PRTG: variants seen among roughly 807,000 people sequenced by gnomAD.
PRTG encodes the protein immunoglobulin superfamily, DCC subclass, member 5.
In PRTG, 67 loss-of-function variants were observed where a neutral mutation model predicts 122.5. The observed-to-expected ratio is 0.55, with a 90% CI of 0.45 to 0.67. The LOEUF (loss-of-function observed/expected upper bound fraction) is 0.67, where lower values mean the gene tolerates loss of function less well. PRTG is among the 30% of genes least tolerant of loss of function. The pLI is 0.00. For missense variants in PRTG, 1,435 were observed against 1,415.4 expected (o/e 1.01, Z -0.22); for synonymous variants, 554 against 501.1 (o/e 1.11, Z -1.41).
chr15:55,668,558 G>A (rs539310939), intron 11 of PRTG, among the ~76,000 whole-genome samples: 1 of 152,104 alleles, frequency 6.6e-6, no homozygotes, highest in South Asian at 2.1e-4. Context: ...AAGTGCCTAG[G>A]GGAAAAAATC....
intron 14 of PRTG, among the ~76,000 whole-genome samples, chr15:55,637,829 T>C (rs2059266397): frequency 6.6e-6 from 1 of 152,122 alleles, no homozygotes; most frequent in African/African-American, 2.4e-5. Context: ...CATCTAATAA[T>C]ATATCTGTGA....
intron 11 of PRTG, among the ~76,000 whole-genome samples, chr15:55,649,492 A>G (rs1165703174): frequency 6.6e-6 from 1 of 152,076 alleles, no homozygotes; most frequent in African/African-American, 2.4e-5. Context: ...ACTAATAAAA[A>G]TATCAATAGT....
At position 55,648,619 on chromosome 15, in the gene PRTG, T is replaced by G. The variant is rs144565302; in HGVS notation, c.2042-7411A>C. Among the ~76,000 whole-genome samples the G allele has an allele frequency of 3.5e-4, 54 of 152,284 alleles. No individual in the cohort carries two copies. In the East Asian group the frequency reaches 4.1e-3, roughly 11 times the overall value. ...ATCCAGGTGCTGAGGTTGGGAGATA[T>G]TCAGAAAACAGCTGAATTCTAGTAT... On this transcript the variant is annotated intron_variant, in intron 11 of 19. Coordinates refer to ENST00000389286, the MANE Select transcript of PRTG (RefSeq NM_173814.6).
chr15:55,742,880 G>A lies in PRTG; in HGVS notation c.52C>T (p.Leu18Phe). The part of the protein sequence containing the change: ...LARLRPPGML[L>F]RALLLLLLLS... ...AGCAGCAGGAGCAGGAGCGCGCGGA[G>A]CAGCATCCCCGGCGGTCGCAGCCGG... Residue 18 changes from leucine (L) to phenylalanine (F), a missense_variant, in exon 1 of 20, where the codon CTC becomes TTC. By Grantham distance (22) the Leu-to-Phe change is conservative. Transcript: ENST00000389286. The A allele has an allele frequency of 6.5e-7, 1 of 1,534,948 alleles. No homozygotes were observed.
chr15:55,651,755 G>C (rs545777590), intron 11 of PRTG, among the ~76,000 whole-genome samples: 1 of 152,284 alleles, frequency 6.6e-6, no homozygotes, highest in African/African-American at 2.4e-5. Context: ...GCCTTGAAAA[G>C]AGCCAGGTCA....
intron 8 of PRTG, among the ~76,000 whole-genome samples, chr15:55,676,178 T>A (rs2059501892): frequency 6.6e-6 from 1 of 152,144 alleles, no homozygotes; most frequent in African/African-American, 2.4e-5. Flanking sequence ...TCTATTAAAT[T>A]TGACTGACAT....
chr15:55,672,494 C>A lies in PRTG; in HGVS notation c.1992G>T (p.Gly664=). The part of the protein sequence containing the change: ...YYKEEGQQEN[G]PIFLDTKDLL... Reference sequence around the variant, plus strand: ...GGTCCTTGGTATCCAAGAAAATGGGCCCATTCTCCTGCTGCCCTTCTTCCT... The same window carrying A: ...GGTCCTTGGTATCCAAGAAAATGGGACCATTCTCCTGCTGCCCTTCTTCCT... Residue 664 remains glycine (G), a synonymous_variant, in exon 11 of 20, where the codon GGG becomes GGT. Transcript: ENST00000389286. The A allele has an allele frequency of 6.2e-7, 1 of 1,614,034 alleles. No homozygotes were observed. Among genetic ancestry groups the A allele is most frequent in the Non-Finnish European group, 8.5e-7 (1 of 1,179,978 alleles).
chr15:55,714,426 TCA>T (rs1329962599), intron 2 of PRTG, among the ~76,000 whole-genome samples: 2 of 150,340 alleles, frequency 1.3e-5, no homozygotes, highest in Non-Finnish European at 2.9e-5. Context: ...ACAGGAGGTG[TCA>T]CTATGTTGTT....
intron 11 of PRTG, among the ~76,000 whole-genome samples, chr15:55,668,753 T>A (rs1359245116): frequency 2.6e-5 from 4 of 152,152 alleles, no homozygotes; most frequent in African/African-American, 4.8e-5. Flanking sequence ...ATCAAAATAT[T>A]TCCATCACTC....
At chr15:55,706,286 G>C (rs1182173043) in intron 2 of PRTG, among the ~76,000 whole-genome samples, 2 of 151,888 alleles carry the variant, frequency 1.3e-5, no homozygotes, top group African/African-American at 2.4e-5. Context: ...CTGAGAGTTG[G>C]GGATGGCATC....
chr15:55,670,902 A>AACACACACACAC (rs59455199), intron 11 of PRTG, among the ~76,000 whole-genome samples: 1 of 143,810 alleles, frequency 7.0e-6, no homozygotes, highest in African/African-American at 2.6e-5. Context: ...CTCCGTCACA[A>AACACACACACAC]ACACACACAC....
intron 2 of PRTG, among the ~76,000 whole-genome samples, chr15:55,711,078 T>C (rs2030364619): frequency 1.4e-5 from 2 of 143,896 alleles, no homozygotes; most frequent in African/African-American, 2.6e-5. Flanking sequence ...AGCTAATTTT[T>C]GTATTTTTTT....
chr15:55,735,424 A>T (rs2031377012), intron 2 of PRTG, among the ~76,000 whole-genome samples: 1 of 152,090 alleles, frequency 6.6e-6, no homozygotes, highest in South Asian at 2.1e-4. Context: ...CTTAGCCTAA[A>T]ACCCTGCTTA....
chr15:55,613,067 T>C lies in PRTG; in HGVS notation c.*6945A>G, dbSNP rs1444917351. On this transcript the variant is annotated 3_prime_UTR_variant, in exon 20 of 20. Coordinates refer to ENST00000389286, the MANE Select transcript of PRTG (RefSeq NM_173814.6). Reference sequence around the variant, plus strand: ...TTTCTCTTAAGTTTTCAAAGTACTATTGTTTCATTTTGCACAAAAAAATTA... The same window carrying C: ...TTTCTCTTAAGTTTTCAAAGTACTACTGTTTCATTTTGCACAAAAAAATTA... 5 of 152,066 alleles carry C rather than the reference T, an allele frequency of 3.3e-5. No homozygotes were observed. The East Asian group carries it at 7.7e-4, about 23-fold the overall frequency. 9.4% of individuals were successfully genotyped at this position (152,066 alleles called of 1,614,324 possible).
chr15:55,660,164 AGCGTGGTCCT>A (rs746764913), intron 11 of PRTG, among the ~76,000 whole-genome samples: 93 of 152,188 alleles, frequency 6.1e-4, no homozygotes, highest in Non-Finnish European at 1.2e-3. Context: ...TCCTCCAGGA[AGCGTGGTCCT>A]GCAGCTCCCC....
chr15:55,695,615 C>G (rs1396027493), intron 2 of PRTG, among the ~76,000 whole-genome samples: 1 of 152,162 alleles, frequency 6.6e-6, no homozygotes, highest in Non-Finnish European at 1.5e-5. Context: ...GTTCCAGAGG[C>G]CTCAGTGCTG....
Position 55,633,836 on chromosome 15 carries a change from CA to C in PRTG, c.2623+3333del, listed in dbSNP as rs576352530. 3.3e-5 allele frequency among the ~76,000 whole-genome samples: 5 copies of C among 152,250 alleles called. No individual in the cohort carries two copies. In the East Asian group the frequency reaches 9.6e-4, roughly 29 times the overall value. ...TACGAAAAAAGTTCTCTGCATTTAA[CA>C]AATGACAAAAGCTTTTCACAAATGT... On this transcript the variant is annotated intron_variant, in intron 15 of 19. Coordinates refer to ENST00000389286, the MANE Select transcript of PRTG (RefSeq NM_173814.6).
intron 2 of PRTG, among the ~76,000 whole-genome samples, chr15:55,717,150 A>C (rs1215956865): frequency 6.6e-6 from 1 of 152,230 alleles, no homozygotes; most frequent in Non-Finnish European, 1.5e-5. Context: ...TGGAGAATAA[A>C]ACATGTACAT....
intron 15 of PRTG, among the ~76,000 whole-genome samples, chr15:55,629,375 ATGTGTGTGTG>A (rs59080250): frequency 0.017 from 822 of 47,790 alleles, 5 homozygotes; most frequent in East Asian, 0.03. Context: ...ATATATATAT[ATGTGTGTGTG>A]TGTGTGTGTG....
Sources: allele counts gnomAD v4.1 joint callset (sites outside exome capture counted in the v4.1 genomes callset), GRCh38; gene constraint gnomAD v4.1.1; transcripts MANE v1.5; gene names NCBI Gene and HGNC (gene_info 2026-07-23, HGNC 2026-07-21).